Variants in CDH13 observed in about 807,000 individuals in gnomAD.
The protein encoded by CDH13 is cadherin-13.
CDH13 carries 24 observed loss-of-function variants against 63.8 expected under a neutral mutation model. The ratio of observed to expected loss-of-function variants is 0.38; its 90% CI spans 0.27 to 0.53. The LOEUF (loss-of-function observed/expected upper bound fraction) is 0.53. Among genes scored for constraint, CDH13 ranks in the 20% least tolerant of loss-of-function variants. The pLI, the probability that CDH13 is intolerant of heterozygous loss-of-function variation, is 0.85. For missense variants in CDH13, 1,049 were observed against 903.1 expected (o/e 1.16, Z -2.07); for synonymous variants, 503 against 355.3 (o/e 1.42, Z -4.67).
At chr16:82,854,174 C>A (rs912738397) in intron 1 of CDH13, among the ~76,000 whole-genome samples, 4 of 151,938 alleles carry the variant, frequency 2.6e-5, no homozygotes, top group African/African-American at 9.7e-5. Context: ...CCGAGGCAGG[C>A]GGATCACGAG....
rs10665608 is a variant in CDH13, at chr16:83,121,962, T to TCACACACACACA, written c.367-3401_367-3390dup. 4.4e-3 allele frequency among the ~76,000 whole-genome samples: 654 copies of TCACACACACACA among 147,514 alleles called. 4 individuals carry two copies. Among genetic ancestry groups the TCACACACACACA allele is most frequent in the African/African-American group, 0.015 (593 of 40,008 alleles). The stretch of plus-strand genomic sequence containing the variant: ...TTACATAAATTTTCCTTTAAAACTG[T>TCACACACACACA]CACACACACACACACACACACACAC... On this transcript the variant is annotated intron_variant, in intron 3 of 13. Coordinates refer to ENST00000567109, the MANE Select transcript of CDH13 (RefSeq NM_001257.5).
At chr16:82,870,437 C>T (rs913604337) in intron 2 of CDH13, among the ~76,000 whole-genome samples, 1 of 152,022 alleles carries the variant, frequency 6.6e-6, no homozygotes, top group Non-Finnish European at 1.5e-5. Flanking sequence ...AATAGAACTA[C>T]TATATGGCCC....
At chr16:83,201,371 A>G (rs1054888749) in intron 4 of CDH13, among the ~76,000 whole-genome samples, 2 of 152,140 alleles carry the variant, frequency 1.3e-5, no homozygotes, top group Non-Finnish European at 1.5e-5. Flanking sequence ...AAAATAAGAC[A>G]AGGATGATGC....
At chr16:83,522,507 TA>T (rs1241406635) in intron 7 of CDH13, among the ~76,000 whole-genome samples, 3 of 151,988 alleles carry the variant, frequency 2.0e-5, no homozygotes, top group Non-Finnish European at 4.4e-5. Flanking sequence ...AAGCTGGTAA[TA>T]CTTCATTTTT....
intron 6 of CDH13, among the ~76,000 whole-genome samples, chr16:83,361,329 C>T (rs1319398220): frequency 6.6e-6 from 1 of 152,166 alleles, no homozygotes; most frequent in Non-Finnish European, 1.5e-5. Context: ...ATTCCAGATG[C>T]TGGACTTCCA....
intron 1 of CDH13, among the ~76,000 whole-genome samples, chr16:82,764,370 T>C (rs2034969919): frequency 6.6e-6 from 1 of 152,202 alleles, no homozygotes; most frequent in South Asian, 2.1e-4. Flanking sequence ...TCTTCTCCTC[T>C]ACTCTCTGAG....
At chr16:82,832,287 A>G (rs1241773562) in intron 1 of CDH13, among the ~76,000 whole-genome samples, 1 of 152,204 alleles carries the variant, frequency 6.6e-6, no homozygotes, top group Non-Finnish European at 1.5e-5. Context: ...TTAATTATGA[A>G]CATGAAACCA....
chr16:82,669,131 C>A (rs997567757), intron 1 of CDH13, among the ~76,000 whole-genome samples: 7 of 152,186 alleles, frequency 4.6e-5, no homozygotes, highest in African/African-American at 1.7e-4. Flanking sequence ...CAGGTATGAG[C>A]AATGCTGCCC....
At chr16:83,448,312 T>C (rs2072772825) in intron 6 of CDH13, among the ~76,000 whole-genome samples, 1 of 152,052 alleles carries the variant, frequency 6.6e-6, no homozygotes, top group South Asian at 2.1e-4. Flanking sequence ...GCAGACACCA[T>C]CATGGTAGCT....
At chr16:83,545,531 T>C (rs1408002543) in intron 7 of CDH13, among the ~76,000 whole-genome samples, 2 of 152,222 alleles carry the variant, frequency 1.3e-5, no homozygotes, top group Admixed American at 1.3e-4. Context: ...AAGGCCTTCA[T>C]GGCTGTTCAC....
intron 1 of CDH13, among the ~76,000 whole-genome samples, chr16:82,717,524 G>A (rs967822219): frequency 4.6e-5 from 7 of 151,724 alleles, no homozygotes; most frequent in African/African-American, 1.7e-4. Flanking sequence ...TGGGCTAGAG[G>A]CAAGTTGTTG....
intron 7 of CDH13, among the ~76,000 whole-genome samples, chr16:83,600,009 C>T (rs1161143586): frequency 6.6e-6 from 1 of 152,122 alleles, no homozygotes; most frequent in Non-Finnish European, 1.5e-5. Flanking sequence ...TGATGACAAG[C>T]AGAAAGCCAC....
chr16:83,797,158 C>G lies in CDH13; in HGVS notation c.*2128C>G, dbSNP rs183326245. On this transcript the variant is annotated 3_prime_UTR_variant, in exon 14 of 14. Transcript: ENST00000567109. Reference sequence around the variant, plus strand: ...GGGAGAACGTTCATCCTTGAACAAACAAAGAGCATCCTCAGCCAGTCAGGC... The same window carrying G: ...GGGAGAACGTTCATCCTTGAACAAAGAAAGAGCATCCTCAGCCAGTCAGGC... 6.6e-6 allele frequency: 1 copy of G among 152,382 alleles called. No homozygotes were observed. Among genetic ancestry groups the G allele is most frequent in the Admixed American group, 6.5e-5 (1 of 15,308 alleles). The allele number at this position is 152,382 out of a possible 1,614,324, so 9.4% of individuals were successfully genotyped here.
intron 2 of CDH13, among the ~76,000 whole-genome samples, chr16:82,993,593 C>G (rs1375220496): frequency 6.6e-6 from 1 of 152,100 alleles, no homozygotes; most frequent in African/African-American, 2.4e-5. Context: ...GGATTAATAG[C>G]AAATAATTGC....
At chr16:83,663,518 C>G (rs551837302) in intron 8 of CDH13, among the ~76,000 whole-genome samples, 5 of 152,248 alleles carry the variant, frequency 3.3e-5, no homozygotes, top group Admixed American at 6.5e-5. Flanking sequence ...TTCTTTCTAC[C>G]TTGTGTTTTT....
chr16:83,248,244 T>A lies in CDH13; in HGVS notation c.636+30747T>A, dbSNP rs77460338. Among the ~76,000 whole-genome samples, 832 of 151,672 alleles carry A rather than the reference T, an allele frequency of 5.5e-3. 6 individuals carry two copies. The highest frequency in any genetic ancestry group is 0.019 in the African/African-American group (784 of 41,328). ...AAAAAGAGATCAGGAAGGAAGAGAA[T>A]AGTGTGCATGAGCTCACGCGTGGGT... On this transcript the variant is annotated intron_variant, in intron 5 of 13. Coordinates refer to ENST00000567109, the MANE Select transcript of CDH13 (RefSeq NM_001257.5).
At chr16:82,650,119 A>G (rs1487474113) in intron 1 of CDH13, among the ~76,000 whole-genome samples, 1 of 152,260 alleles carries the variant, frequency 6.6e-6, no homozygotes, top group Non-Finnish European at 1.5e-5. Context: ...ACCTGCAAGT[A>G]GTTACCTCTC....
intron 5 of CDH13, among the ~76,000 whole-genome samples, chr16:83,239,371 A>G (rs1238885557): frequency 6.6e-6 from 1 of 152,198 alleles, no homozygotes; most frequent in Non-Finnish European, 1.5e-5. Flanking sequence ...CTAAACACAG[A>G]TTATACACCA....
chr16:83,255,555 C>T (rs1906159503), intron 5 of CDH13, among the ~76,000 whole-genome samples: 1 of 152,232 alleles, frequency 6.6e-6, no homozygotes, highest in Admixed American at 6.5e-5. Flanking sequence ...TACCTCCCTG[C>T]TCCAGCTTGG....
Sources: gnomAD v4.1 joint callset for allele counts (sites outside exome capture counted in the v4.1 genomes callset) on GRCh38, gnomAD v4.1.1 for gene constraint, MANE v1.5 for transcripts, NCBI Gene and HGNC (gene_info 2026-07-23, HGNC 2026-07-21) for gene names.